CDK8: variants seen among roughly 807,000 people sequenced by gnomAD.
The protein encoded by CDK8 is cyclin-dependent kinase 8.
Under a neutral mutation model 71.5 loss-of-function variants are expected in CDK8, and 29 were observed. The ratio of observed to expected loss-of-function variants is 0.41; its 90% CI spans 0.30 to 0.55. The LOEUF (loss-of-function observed/expected upper bound fraction) is 0.55. Among genes scored for constraint, CDK8 ranks in the 20% least tolerant of loss-of-function variants. The probability of loss-of-function intolerance (pLI) is 0.37; values close to 1 mark genes in which losing one functional copy is unlikely to be tolerated. For missense variants in CDK8, 288 were observed against 572.6 expected, an observed-to-expected ratio of 0.50 and a Z score of 5.07; for synonymous variants, 161 against 192.1, an observed-to-expected ratio of 0.84 and a Z score of 1.34.
chr13:26,373,120 C>T (rs1449768070), intron 4 of CDK8, among the ~76,000 whole-genome samples: 3 of 152,210 alleles, frequency 2.0e-5, no homozygotes, highest in African/African-American at 7.2e-5. Context: ...CTGGCTAGTT[C>T]CTTCTCATCC....
In CDK8 at chr13:26,254,492, C is replaced by T; in HGVS notation, c.-150C>T. 1 of 610,420 alleles carries T rather than the reference C, an allele frequency of 1.6e-6. No individual in the cohort carries two copies. Among genetic ancestry groups the T allele is most frequent in the East Asian group, 3.2e-5 (1 of 31,310 alleles). 37.8% of individuals were successfully genotyped at this position (610,420 alleles called of 1,614,324 possible). A position where few individuals can be genotyped will look rare whatever the true frequency, so the allele number is the denominator to read the frequency against. On this transcript the variant is annotated 5_prime_UTR_variant, in exon 1 of 13. Coordinates refer to ENST00000381527, the MANE Select transcript of CDK8 (RefSeq NM_001260.3). The surrounding 1 kb of genome is among the most constrained non-coding windows in gnomAD (Gnocchi z 6.7). ...CCTGGCGCTTTCGCGGGGCCTCCTC[C>T]TGCTCTTGCCGCATCAGTCGGGCTG...
rs66521623 is a variant in CDK8 at position 26,339,754 on chromosome 13, A to ACATATATAT, written c.204+2112_204+2113insCATATATAT. Reference sequence around the variant, plus strand: ...TTTATTTATATAATTACTTAAAAAAAAAATATATATATATATATAGTGTAG... The same window carrying ACATATATAT: ...TTTATTTATATAATTACTTAAAAAAACATATATATAAATATATATATATATATAGTGTAG... On this transcript the variant is annotated intron_variant, in intron 2 of 12. Coordinates refer to ENST00000381527, the MANE Select transcript of CDK8 (RefSeq NM_001260.3). 1.6e-3 allele frequency among the ~76,000 whole-genome samples: 204 copies of ACATATATAT among 129,336 alleles called. 2 individuals are homozygous for ACATATATAT. Among genetic ancestry groups the ACATATATAT allele is most frequent in the Non-Finnish European group, 2.5e-3 (154 of 60,836 alleles). The allele number at this position is 129,336 out of a possible 152,430, so 84.8% of individuals were successfully genotyped here.
chr13:26,321,675 A>G (rs1348351393), intron 1 of CDK8, among the ~76,000 whole-genome samples: 1 of 152,078 alleles, frequency 6.6e-6, no homozygotes. Flanking sequence ...TAAGTTAAAA[A>G]CAGTACTGTG....
intron 1 of CDK8, among the ~76,000 whole-genome samples, chr13:26,311,153 A>C (rs907277606): frequency 6.6e-6 from 1 of 151,870 alleles, no homozygotes; most frequent in East Asian, 1.9e-4. Flanking sequence ...TGTTTGAATA[A>C]ATGGACTCAC....
intron 8 of CDK8, 29 bp from the exon 9 acceptor site, chr13:26,397,124 A>G (rs1444108864): frequency 1.5e-6 from 2 of 1,293,858 alleles, no homozygotes; most frequent in Non-Finnish European, 2.2e-6. Context: ...CAAGTCTAAT[A>G]TAGCTATTTC....
rs181594134 is a variant in CDK8 at position 26,322,563 on chromosome 13, G to A, written c.129-15004G>A. ...GGGAAAAAGGGGCAGGTTTCTTCTT[G>A]CCAGTTTTTAATTCACGAGAAACAC... On this transcript the variant is annotated intron_variant, in intron 1 of 12. Transcript: ENST00000381527. 4.4e-3 allele frequency among the ~76,000 whole-genome samples: 663 copies of A among 152,240 alleles called. 5 individuals are homozygous for A. Among genetic ancestry groups the A allele is most frequent in the South Asian group, 0.014 (69 of 4,818 alleles).
chr13:26,404,827 A>G lies in CDK8; in HGVS notation c.*746A>G, dbSNP rs1876436496. The G allele has an allele frequency of 4.6e-6, 1 of 216,714 alleles. No homozygotes were observed. The highest frequency in any genetic ancestry group is 6.9e-5 in the East Asian group (1 of 14,392). 13.4% of individuals were successfully genotyped at this position (216,714 alleles called of 1,614,324 possible). On this transcript the variant is annotated 3_prime_UTR_variant, in exon 13 of 13. Transcript: ENST00000381527. Reference sequence around the variant, plus strand: ...ATAAACCTGTTTGGTTCAGCAAACAAACTAAAATGATTGTCATAGACAGTG... The same window carrying G: ...ATAAACCTGTTTGGTTCAGCAAACAGACTAAAATGATTGTCATAGACAGTG...
chr13:26,390,787 A>T (rs747466862), intron 6 of CDK8, among the ~76,000 whole-genome samples: 3 of 152,204 alleles, frequency 2.0e-5, no homozygotes, highest in Non-Finnish European at 4.4e-5. Flanking sequence ...TTCAAATATT[A>T]TTGAGCAAAG....
At position 26,401,233 on chromosome 13, in the gene CDK8, T is replaced by C; in HGVS notation, c.1032-36T>C. ...ATGAAGCATTTGGAATATTGATTAG[T>C]ATACCAGAAATGGTTTTTCTTTTTC... is the stretch of plus-strand genomic sequence containing the variant. On this transcript the variant is annotated intron_variant, in intron 10 of 12. Coordinates refer to ENST00000381527, the MANE Select transcript of CDK8 (RefSeq NM_001260.3). The surrounding 1 kb of genome is among the most constrained non-coding windows in gnomAD (Gnocchi z 4.5). 6.8e-7 allele frequency: 1 copy of C among 1,469,136 alleles called. No individual in the cohort carries two copies. Among genetic ancestry groups the C allele is most frequent in the Non-Finnish European group, 9.5e-7 (1 of 1,051,708 alleles). The allele number at this position is 1,469,136 out of a possible 1,614,324, so 91.0% of individuals were successfully genotyped here.
intron 1 of CDK8, among the ~76,000 whole-genome samples, chr13:26,290,666 C>T (rs146528261): frequency 4.6e-4 from 70 of 152,148 alleles, no homozygotes; most frequent in African/African-American, 1.6e-3. Context: ...GATTAGTTGA[C>T]GTTGAAGTGA....
At chr13:26,266,804 A>G (rs1353070722) in intron 1 of CDK8, among the ~76,000 whole-genome samples, 1 of 152,232 alleles carries the variant, frequency 6.6e-6, no homozygotes, top group Non-Finnish European at 1.5e-5. Context: ...TGAAACCTGT[A>G]GATGCCATTT....
rs1310050705 is a variant in CDK8, at chr13:26,347,856, ATGGTACAGC to A, written c.205-1213_205-1205del. On this transcript the variant is annotated intron_variant, in intron 2 of 12. Transcript: ENST00000381527. ...CATACATTGCAGATGGGAATGTAAA[ATGGTACAGC>A]TGCAAGTTTGGTGGTTTCTCAGAAA... Among the ~76,000 whole-genome samples, 3 of 152,276 alleles carry A rather than the reference ATGGTACAGC, an allele frequency of 2.0e-5. No individual in the cohort carries two copies. The East Asian group carries it at 5.8e-4, about 29-fold the overall frequency.
At position 26,323,330 on chromosome 13, in the gene CDK8, A is replaced by G. The variant is rs1163046828; in HGVS notation, c.129-14237A>G. Among the ~76,000 whole-genome samples, 11 of 113,978 alleles carry G rather than the reference A, an allele frequency of 9.7e-5. No homozygotes were observed. In the Admixed American group the frequency reaches 1.1e-3, roughly 12 times the overall value. The allele number at this position is 113,978 out of a possible 152,430, so 74.8% of individuals were successfully genotyped here. A position where few individuals can be genotyped will look rare whatever the true frequency, so the allele number is the denominator to read the frequency against. ...GAGAGAGAGAGAGAGAGAGAGAGGGAGAGAGAGAGGGAGAGGGAGAGGGAG... is the reference window on the plus strand; with the variant it reads ...GAGAGAGAGAGAGAGAGAGAGAGGGGGAGAGAGAGGGAGAGGGAGAGGGAG... On this transcript the variant is annotated intron_variant, in intron 1 of 12. Transcript: ENST00000381527.
At chr13:26,372,394 G>A (rs930987860) in intron 4 of CDK8, among the ~76,000 whole-genome samples, 4 of 151,984 alleles carry the variant, frequency 2.6e-5, no homozygotes, top group African/African-American at 7.3e-5. Flanking sequence ...CTTTTTGAAC[G>A]TATTAGAAAA....
Position 26,401,653 on chromosome 13 carries a change from C to T in CDK8, c.1269+29C>T. The T allele has an allele frequency of 6.2e-6, 10 of 1,606,858 alleles. No homozygotes were observed. Among genetic ancestry groups the T allele is most frequent in the Admixed American group, 1.7e-5 (1 of 59,998 alleles). On this transcript the variant is annotated intron_variant, in intron 12 of 12. Coordinates refer to ENST00000381527, the MANE Select transcript of CDK8 (RefSeq NM_001260.3). This position sits in a 1 kb window ranked among gnomAD's most constrained non-coding sequence, Gnocchi z 4.5. ...TTCCAAGTTTATTTTGTATTGACTG[C>T]ATGTCAGTGTTTACATATGGGTTTA...
rs1871442064 is a variant in CDK8, at chr13:26,254,782, G to T, written c.128+13G>T. 6.2e-7 allele frequency: 1 copy of T among 1,610,752 alleles called. No individual in the cohort carries two copies. The highest frequency in any genetic ancestry group is 1.7e-5 in the Admixed American group (1 of 59,908). On this transcript the variant is annotated intron_variant, in intron 1 of 12. Transcript: ENST00000381527. The surrounding 1 kb of genome is among the most constrained non-coding windows in gnomAD (Gnocchi z 6.7). ...AGAGGAAAGATGGGTGAGTGTGTGT[G>T]TCTGGGCCGGTGTCCGCGCTGGGCG...
Position 26,254,791 on chromosome 13 carries a change from G to T in CDK8, c.128+22G>T. On this transcript the variant is annotated intron_variant, in intron 1 of 12. Transcript: ENST00000381527. The surrounding 1 kb of genome is among the most constrained non-coding windows in gnomAD (Gnocchi z 6.7). ...ATGGGTGAGTGTGTGTGTCTGGGCC[G>T]GTGTCCGCGCTGGGCGGCGCTCCCG... The T allele has an allele frequency of 1.9e-6, 3 of 1,608,146 alleles. No individual in the cohort carries two copies. The highest frequency in any genetic ancestry group is 2.5e-6 in the Non-Finnish European group (3 of 1,176,664).
At chr13:26,312,591 A>C (rs1032820316) in intron 1 of CDK8, among the ~76,000 whole-genome samples, 2 of 152,090 alleles carry the variant, frequency 1.3e-5, no homozygotes, top group African/African-American at 4.8e-5. Flanking sequence ...CTCCAGACAC[A>C]TCTGAACATC....
chr13:26,350,742 G>C (rs1016289232), intron 3 of CDK8, among the ~76,000 whole-genome samples: 4 of 152,084 alleles, frequency 2.6e-5, no homozygotes, highest in African/African-American at 9.7e-5. Context: ...CAGTTTATTA[G>C]TTTATCTAAT....
Sources: allele counts gnomAD v4.1 joint callset (sites outside exome capture counted in the v4.1 genomes callset), GRCh38; gene constraint gnomAD v4.1.1; non-coding constraint Gnocchi (gnomAD v3.1); transcripts MANE v1.5; gene names NCBI Gene and HGNC (gene_info 2026-07-23, HGNC 2026-07-21).